The following NELL2 variants were observed in gnomAD, a reference collection of about 807,000 sequenced individuals.
NELL2 encodes protein kinase C-binding protein NELL2.
Under a neutral mutation model 109.6 loss-of-function variants are expected in NELL2, and 41 were observed. That is an observed-to-expected ratio of 0.37 (90% confidence interval 0.29 to 0.49). NELL2 has a LOEUF of 0.49. NELL2 is among the 20% of genes least tolerant of loss of function. NELL2 has a pLI of 0.98. For synonymous variants in NELL2, 355 were observed against 344.7 expected, an observed-to-expected ratio of 1.03 and a Z score of -0.33; for missense variants, 900 against 1,008.3, an observed-to-expected ratio of 0.89 and a Z score of 1.45.
At chr12:44,620,926 C>G (rs115672728) in intron 13 of NELL2, among the ~76,000 whole-genome samples, 2,344 of 152,200 alleles carry the variant, frequency 0.015, 50 homozygotes, top group African/African-American at 0.054. Flanking sequence ...TCCTTCTGCC[C>G]CCACCAATCC....
At chr12:44,526,569 A>G (rs2138995814) in intron 16 of NELL2, among the ~76,000 whole-genome samples, 1 of 152,304 alleles carries the variant, frequency 6.6e-6, no homozygotes, top group Non-Finnish European at 1.5e-5. Context: ...GGACATTGCT[A>G]TACACTGCAG....
chr12:44,813,643 C>A (rs570009932), intron 3 of NELL2, among the ~76,000 whole-genome samples: 1 of 151,978 alleles, frequency 6.6e-6, no homozygotes, highest in African/African-American at 2.4e-5. Flanking sequence ...CAAAATATGG[C>A]GTATCAATAC....
chr12:44,678,972 G>A (rs1270694346), intron 12 of NELL2, among the ~76,000 whole-genome samples: 6 of 152,006 alleles, frequency 3.9e-5, no homozygotes, highest in Admixed American at 2.6e-4. Context: ...AAGGGGAAAC[G>A]GCAATAATAC....
At chr12:44,890,397 C>T (rs993204395) in intron 1 of NELL2, among the ~76,000 whole-genome samples, 7 of 152,162 alleles carry the variant, frequency 4.6e-5, no homozygotes, top group Admixed American at 6.5e-5. Flanking sequence ...TTGCAAACCA[C>T]GACACAGACA....
intron 16 of NELL2, among the ~76,000 whole-genome samples, chr12:44,524,131 T>G (rs1941663702): frequency 6.6e-6 from 1 of 152,172 alleles, no homozygotes; most frequent in Non-Finnish European, 1.5e-5. Flanking sequence ...AACCACTATT[T>G]TTTAACTTTT....
intron 13 of NELL2, among the ~76,000 whole-genome samples, chr12:44,655,816 A>G (rs533162847): frequency 1.3e-5 from 2 of 152,350 alleles, no homozygotes; most frequent in South Asian, 4.1e-4. Flanking sequence ...CATAATAGAT[A>G]ATGAACCACA....
At chr12:44,901,371 T>C (rs1406473381) in intron 1 of NELL2, among the ~76,000 whole-genome samples, 7 of 152,036 alleles carry the variant, frequency 4.6e-5, no homozygotes, top group Admixed American at 3.3e-4. Context: ...TCCCTGAATA[T>C]ATCAATAAAA....
chr12:44,752,543 C>T (rs1404576416), intron 9 of NELL2, among the ~76,000 whole-genome samples: 1 of 152,208 alleles, frequency 6.6e-6, no homozygotes, highest in Non-Finnish European at 1.5e-5. Context: ...TACCACCTCA[C>T]TACAGCTTTT....
intron 3 of NELL2, among the ~76,000 whole-genome samples, chr12:44,793,893 G>A (rs1942522713): frequency 6.6e-6 from 1 of 152,086 alleles, no homozygotes; most frequent in South Asian, 2.1e-4. Flanking sequence ...ATGAATACAG[G>A]AAACTACCTG....
intron 15 of NELL2, among the ~76,000 whole-genome samples, chr12:44,600,056 A>G (rs868349055): frequency 2.2e-5 from 3 of 138,174 alleles, no homozygotes; most frequent in African/African-American, 8.1e-5. Flanking sequence ...CCGCCTCCCC[A>G]GTTCACGCCA....
In NELL2 at chr12:44,748,955, TAC is replaced by T. The variant is rs1190844922; in HGVS notation, c.994+25790_994+25791del. On this transcript the variant is annotated intron_variant, in intron 9 of 19. Transcript: ENST00000429094. ...AATTTGCACATACTCATAAATAATT[TAC>T]AGACTATAAAAGGCAAAATGACTCT... 4.6e-5 allele frequency among the ~76,000 whole-genome samples: 7 copies of T among 152,160 alleles called. No individual in the cohort carries two copies. The East Asian group carries it at 1.3e-3, about 29-fold the overall frequency.
chr12:44,538,946 A>G (rs1161191569), intron 15 of NELL2, among the ~76,000 whole-genome samples: 1 of 152,014 alleles, frequency 6.6e-6, no homozygotes, highest in African/African-American at 2.4e-5. Context: ...TGTTTTTCCT[A>G]TTGACTAAAA....
intron 12 of NELL2, among the ~76,000 whole-genome samples, chr12:44,685,775 G>A (rs111393377): frequency 1.2e-4 from 18 of 152,018 alleles, no homozygotes; most frequent in South Asian, 1.0e-3. Context: ...GAGTTTCTGC[G>A]GAGAGATCTG....
intron 1 of NELL2, among the ~76,000 whole-genome samples, chr12:44,908,721 T>C (rs1349555665): frequency 6.6e-6 from 1 of 151,956 alleles, no homozygotes; most frequent in Non-Finnish European, 1.5e-5. Flanking sequence ...AGTAAATGAG[T>C]TGATGAAACT....
chr12:44,830,406 T>G (rs980994478), intron 2 of NELL2, among the ~76,000 whole-genome samples: 1 of 152,240 alleles, frequency 6.6e-6, no homozygotes, highest in Non-Finnish European at 1.5e-5. Flanking sequence ...TCAAATTATT[T>G]CAGAATAACA....
chr12:44,898,334 C>T (rs1371679958), intron 1 of NELL2, among the ~76,000 whole-genome samples: 1 of 152,190 alleles, frequency 6.6e-6, no homozygotes, highest in Non-Finnish European at 1.5e-5. Flanking sequence ...CAGGGGTCGA[C>T]AGACATGTCA....
chr12:44,757,994 A>G (rs1251031272), intron 9 of NELL2, among the ~76,000 whole-genome samples: 1 of 151,972 alleles, frequency 6.6e-6, no homozygotes, highest in African/African-American at 2.4e-5. Context: ...TTTATCTGGT[A>G]GAACATATTT....
chr12:44,682,068 C>T (rs906104557), intron 12 of NELL2, among the ~76,000 whole-genome samples: 1 of 150,842 alleles, frequency 6.6e-6, no homozygotes, highest in African/African-American at 2.5e-5. Flanking sequence ...TCCACATCCT[C>T]TCCAGCACCT....
chr12:44,907,508 T>C (rs1417987852), intron 1 of NELL2, among the ~76,000 whole-genome samples: 1 of 152,104 alleles, frequency 6.6e-6, no homozygotes, highest in Non-Finnish European at 1.5e-5. Flanking sequence ...GAGTAATTGG[T>C]TACCTTGGCC....
Sources: allele counts gnomAD v4.1 joint callset (sites outside exome capture counted in the v4.1 genomes callset), GRCh38; gene constraint gnomAD v4.1.1; transcripts MANE v1.5; gene names NCBI Gene and HGNC (gene_info 2026-07-23, HGNC 2026-07-21).